NAPB: variants seen among roughly 807,000 people sequenced by gnomAD.
The protein encoded by NAPB is beta-soluble NSF attachment protein.
NAPB carries 26 observed loss-of-function variants against 44.7 expected under a neutral mutation model. The ratio of observed to expected loss-of-function variants is 0.58; its 90% CI spans 0.43 to 0.81. NAPB has a LOEUF of 0.81. Ranked by LOEUF, NAPB falls within the 30% of genes least tolerant of loss-of-function variation. The pLI is 0.00. For missense variants in NAPB, 315 were observed against 356.4 expected (o/e 0.88, Z 0.94); for synonymous variants, 120 against 116.8 (o/e 1.03, Z -0.18).
rs1982513318 is a variant in NAPB at position 23,376,289 on chromosome 20, C to T, written c.*1087G>A. On this transcript the variant is annotated 3_prime_UTR_variant, in exon 11 of 11. Coordinates refer to ENST00000377026, the MANE Select transcript of NAPB (RefSeq NM_022080.3). The stretch of plus-strand genomic sequence containing the variant: ...TAAACCAATTAAACACGACAGAGTT[C>T]AAACACATAAGCCAACATATTCCAC... 6.6e-6 allele frequency: 1 copy of T among 152,194 alleles called. No individual in the cohort carries two copies. The highest frequency in any genetic ancestry group is 1.5e-5 in the Non-Finnish European group (1 of 68,044). 9.4% of individuals were successfully genotyped at this position (152,194 alleles called of 1,614,324 possible). A position where few individuals can be genotyped will look rare whatever the true frequency, so the allele number is the denominator to read the frequency against.
At chr20:23,401,811 G>T (rs1984873524) in intron 2 of NAPB, among the ~76,000 whole-genome samples, 1 of 152,212 alleles carries the variant, frequency 6.6e-6, no homozygotes, top group Non-Finnish European at 1.5e-5. Flanking sequence ...AGCCCCAGAG[G>T]CAGAGATTGC....
intron 7 of NAPB, among the ~76,000 whole-genome samples, chr20:23,386,225 A>G (rs1392042054): frequency 1.3e-5 from 2 of 152,362 alleles, no homozygotes; most frequent in African/African-American, 4.8e-5. Flanking sequence ...GATGAAAATC[A>G]GCAAGCTAAA....
chr20:23,404,473 A>G (rs1292120111), intron 1 of NAPB, among the ~76,000 whole-genome samples: 4 of 152,234 alleles, frequency 2.6e-5, no homozygotes, highest in African/African-American at 9.6e-5. Flanking sequence ...GGCTGGGCAT[A>G]CAGCAAGGCT....
At chr20:23,390,684 A>G (rs1339014982) in intron 5 of NAPB, among the ~76,000 whole-genome samples, 1 of 152,214 alleles carries the variant, frequency 6.6e-6, no homozygotes, top group East Asian at 1.9e-4. Context: ...TGTAAGCTAG[A>G]CACCAAAATG....
At chr20:23,384,259 G>C (rs768897763) in intron 7 of NAPB, among the ~76,000 whole-genome samples, 8 of 152,168 alleles carry the variant, frequency 5.3e-5, no homozygotes, top group Non-Finnish European at 1.0e-4. Flanking sequence ...ACTGTACTTA[G>C]AAACACTGGA....
At chr20:23,406,199 T>C (rs1985243956) in intron 1 of NAPB, among the ~76,000 whole-genome samples, 1 of 152,144 alleles carries the variant, frequency 6.6e-6, no homozygotes, top group Non-Finnish European at 1.5e-5. Flanking sequence ...GAGAAATACA[T>C]TTCTGTTCTT....
chr20:23,406,437 G>T (rs6106650), intron 1 of NAPB, among the ~76,000 whole-genome samples: 1 of 151,824 alleles, frequency 6.6e-6, no homozygotes, highest in African/African-American at 2.4e-5. Flanking sequence ...TGAATTGTAC[G>T]GTATGTGTAT....
At chr20:23,384,794 T>C (rs375508614) in intron 7 of NAPB, among the ~76,000 whole-genome samples, 68 of 152,076 alleles carry the variant, frequency 4.5e-4, no homozygotes, top group African/African-American at 1.3e-3. Context: ...AATACACCAA[T>C]TGAAAAACAA....
chr20:23,387,150 T>G (rs553798608), intron 7 of NAPB, among the ~76,000 whole-genome samples: 1 of 152,110 alleles, frequency 6.6e-6, no homozygotes. Context: ...TTTATCTCAA[T>G]AGACACAGGA....
intron 2 of NAPB, 136 bp downstream of exon 2, chr20:23,402,857 G>C (rs1281171958): frequency 9.1e-6 from 6 of 656,336 alleles, no homozygotes; most frequent in African/African-American, 1.8e-5. Context: ...GTCAGTAGCA[G>C]CCACATCAGT....
intron 1 of NAPB, among the ~76,000 whole-genome samples, chr20:23,410,977 T>G (rs1285426729): frequency 2.0e-5 from 3 of 152,136 alleles, no homozygotes; most frequent in African/African-American, 4.8e-5. Flanking sequence ...AAATCTCTGT[T>G]ATAGCATACC....
At chr20:23,381,970 C>A (rs1983038031) in intron 7 of NAPB, among the ~76,000 whole-genome samples, 1 of 152,118 alleles carries the variant, frequency 6.6e-6, no homozygotes, top group Non-Finnish European at 1.5e-5. Context: ...TCAGAGAAGG[C>A]CAAATAGGGA....
intron 2 of NAPB, among the ~76,000 whole-genome samples, chr20:23,401,193 A>G (rs78230105): frequency 6.6e-6 from 1 of 152,002 alleles, no homozygotes; most frequent in African/African-American, 2.4e-5. Flanking sequence ...GGAAGGGGAT[A>G]GTCTTTGAGG....
intron 1 of NAPB, among the ~76,000 whole-genome samples, chr20:23,404,928 T>A (rs1407290543): frequency 6.6e-6 from 1 of 152,228 alleles, no homozygotes; most frequent in South Asian, 2.1e-4. Context: ...CTGGGAGGAA[T>A]ATAAAAGGGT....
intron 1 of NAPB, among the ~76,000 whole-genome samples, chr20:23,403,947 G>C (rs1985048404): frequency 6.6e-6 from 1 of 152,126 alleles, no homozygotes; most frequent in Non-Finnish European, 1.5e-5. Flanking sequence ...GTCCGGCCCA[G>C]TTTAGAAATG....
chr20:23,402,280 G>A (rs776936193), intron 2 of NAPB, among the ~76,000 whole-genome samples: 2 of 152,098 alleles, frequency 1.3e-5, no homozygotes, highest in South Asian at 2.1e-4. Context: ...TCTGGTCAAC[G>A]GTGGTCTCCA....
At chr20:23,385,777 G>A (rs997955479) in intron 7 of NAPB, among the ~76,000 whole-genome samples, 8 of 151,748 alleles carry the variant, frequency 5.3e-5, no homozygotes, top group African/African-American at 1.9e-4. Flanking sequence ...GAGAGAGAGA[G>A]AGAGAGAAAG....
intron 2 of NAPB, among the ~76,000 whole-genome samples, chr20:23,402,152 G>A (rs1374406821): frequency 6.6e-6 from 1 of 152,114 alleles, no homozygotes; most frequent in East Asian, 1.9e-4. Context: ...TAGCTCAAAA[G>A]CATTTTCTCC....
chr20:23,389,300 T>C (rs190791928), intron 7 of NAPB, among the ~76,000 whole-genome samples: 21 of 149,704 alleles, frequency 1.4e-4, no homozygotes, highest in African/African-American at 4.2e-4. Flanking sequence ...ACACTGTGCA[T>C]TGCTAGTGGG....
Sources: gnomAD v4.1 joint callset for allele counts (sites outside exome capture counted in the v4.1 genomes callset) on GRCh38, gnomAD v4.1.1 for gene constraint, MANE v1.5 for transcripts, NCBI Gene and HGNC (gene_info 2026-07-23, HGNC 2026-07-21) for gene names.